CTNNA2: variants seen among roughly 807,000 people sequenced by gnomAD.
CTNNA2 encodes the protein catenin alpha 2.
Under a neutral mutation model 101.0 loss-of-function variants are expected in CTNNA2, and 42 were observed. That is an observed-to-expected ratio of 0.42 (90% CI 0.32 to 0.54). CTNNA2 has a LOEUF of 0.54. CTNNA2 is among the 20% of genes least tolerant of loss of function. The pLI is 0.14. For synonymous variants in CTNNA2, 450 were observed against 456.4 expected (o/e 0.99, Z 0.18); for missense variants, 871 against 1,223.1 (o/e 0.71, Z 4.29).
intron 7 of CTNNA2, among the ~76,000 whole-genome samples, chr2:80,213,175 C>A (rs1708017046): frequency 6.6e-6 from 1 of 152,066 alleles, no homozygotes; most frequent in South Asian, 2.1e-4. Flanking sequence ...CTACTGGATT[C>A]ATTGATTTTT....
At chr2:79,961,081 G>C (rs1689593778) in intron 7 of CTNNA2, among the ~76,000 whole-genome samples, 1 of 152,148 alleles carries the variant, frequency 6.6e-6, no homozygotes, top group Non-Finnish European at 1.5e-5. Flanking sequence ...TTTGATTTCT[G>C]AAATAAAAAG....
intron 5 of CTNNA2, among the ~76,000 whole-genome samples, chr2:79,506,484 C>T (rs1039317970): frequency 1.3e-5 from 2 of 152,072 alleles, no homozygotes; most frequent in African/African-American, 4.8e-5. Flanking sequence ...GTACCACCTG[C>T]CAACTCTATG....
intron 6 of CTNNA2, among the ~76,000 whole-genome samples, chr2:79,888,555 C>G (rs755968184): frequency 1.3e-5 from 2 of 152,278 alleles, no homozygotes; most frequent in Middle Eastern, 3.4e-3. Flanking sequence ...CTAAAGATCT[C>G]TAAAAATTGT....
At chr2:79,241,225 G>T (rs1257420666) in intron 2 of CTNNA2, among the ~76,000 whole-genome samples, 1 of 152,036 alleles carries the variant, frequency 6.6e-6, no homozygotes, top group Non-Finnish European at 1.5e-5. Context: ...ATAAACAAGT[G>T]CATTTTTTTC....
At chr2:79,353,030 A>C (rs10183790) in intron 3 of CTNNA2, among the ~76,000 whole-genome samples, 1 of 151,932 alleles carries the variant, frequency 6.6e-6, no homozygotes, top group East Asian at 1.9e-4. Context: ...AGCACTAGGG[A>C]GATGGTGCTG....
intron 8 of CTNNA2, among the ~76,000 whole-genome samples, chr2:80,412,735 G>A (rs1284757957): frequency 6.6e-6 from 1 of 151,956 alleles, no homozygotes; most frequent in Non-Finnish European, 1.5e-5. Flanking sequence ...TCTGGGTTCT[G>A]TTGCTCTTAA....
chr2:79,468,142 T>C lies in CTNNA2; in HGVS notation c.-134-36912T>C, dbSNP rs1670959304. On this transcript the variant is annotated intron_variant, in intron 4 of 21. Transcript: ENST00000466387. ...CTGTATTCAGGAGACCCATCTTACA[T>C]GCAGAGACACACATAGGCTCAAAAT... 2.0e-5 allele frequency among the ~76,000 whole-genome samples: 3 copies of C among 152,218 alleles called. No homozygotes were observed. The South Asian group carries it at 6.2e-4, about 32-fold the overall frequency.
At chr2:80,560,151 A>C (rs1693452323) in intron 12 of CTNNA2, among the ~76,000 whole-genome samples, 1 of 152,106 alleles carries the variant, frequency 6.6e-6, no homozygotes, top group Non-Finnish European at 1.5e-5. Flanking sequence ...TATTTTGGAA[A>C]ATACGTGGGC....
At chr2:80,599,889 G>T (rs1307283346) in intron 15 of CTNNA2, among the ~76,000 whole-genome samples, 1 of 150,396 alleles carries the variant, frequency 6.6e-6, no homozygotes, top group South Asian at 2.1e-4. Flanking sequence ...TCGTCATTTA[G>T]CATTAGGTAT....
At chr2:80,400,055 G>T (rs908667427) in intron 8 of CTNNA2, among the ~76,000 whole-genome samples, 2 of 152,148 alleles carry the variant, frequency 1.3e-5, no homozygotes, top group African/African-American at 4.8e-5. Context: ...AGAGTGTGTG[G>T]TGCATCTACC....
intron 4 of CTNNA2, among the ~76,000 whole-genome samples, chr2:79,483,261 C>CT (rs1273208342): frequency 4.7e-4 from 71 of 152,328 alleles, no homozygotes; most frequent in African/African-American, 1.6e-3. Flanking sequence ...ATCTACATTT[C>CT]ATTTGCCAAA....
At chr2:80,601,197 TTTC>T (rs1697474568) in intron 15 of CTNNA2, among the ~76,000 whole-genome samples, 2 of 152,096 alleles carry the variant, frequency 1.3e-5, no homozygotes, top group African/African-American at 4.8e-5. Flanking sequence ...CTTTGGGTTT[TTTC>T]TTCTTTTTGT....
chr2:80,578,470 G>T (rs925752830), intron 13 of CTNNA2, among the ~76,000 whole-genome samples: 1 of 152,066 alleles, frequency 6.6e-6, no homozygotes, highest in Non-Finnish European at 1.5e-5. Flanking sequence ...ATTCATGGAG[G>T]TCTTTGACCA....
intron 7 of CTNNA2, among the ~76,000 whole-genome samples, chr2:80,342,238 G>T (rs1672311625): frequency 6.6e-6 from 1 of 152,196 alleles, no homozygotes; most frequent in Non-Finnish European, 1.5e-5. Flanking sequence ...TGCTTTGAGT[G>T]AATTTTATGG....
chr2:79,258,215 C>A (rs1219648817), intron 2 of CTNNA2, among the ~76,000 whole-genome samples: 1 of 152,080 alleles, frequency 6.6e-6, no homozygotes, highest in Non-Finnish European at 1.5e-5. Context: ...AAATGCCAAG[C>A]AGAATTTTTT....
chr2:79,745,664 A>G (rs1671594920), intron 3 of CTNNA2, among the ~76,000 whole-genome samples: 1 of 152,160 alleles, frequency 6.6e-6, no homozygotes, highest in Non-Finnish European at 1.5e-5. Flanking sequence ...AATACCTCAT[A>G]TAAGTGGAAT....
chr2:79,764,765 T>A (rs1225811502), intron 3 of CTNNA2, among the ~76,000 whole-genome samples: 3 of 152,122 alleles, frequency 2.0e-5, no homozygotes, highest in Non-Finnish European at 4.4e-5. Flanking sequence ...TTGCCTTTTT[T>A]TAAAAGACTT....
intron 7 of CTNNA2, among the ~76,000 whole-genome samples, chr2:79,948,706 C>T (rs1363921684): frequency 2.0e-5 from 3 of 152,170 alleles, no homozygotes; most frequent in Admixed American, 1.3e-4. Context: ...CGGTGGCTCA[C>T]GCCTGTAATC....
At chr2:80,527,791 C>G (rs991172703) in intron 9 of CTNNA2, among the ~76,000 whole-genome samples, 8 of 152,110 alleles carry the variant, frequency 5.3e-5, no homozygotes, top group Non-Finnish European at 7.3e-5. Context: ...TGGAAATACT[C>G]TAACTGAATT....
Sources: gnomAD v4.1 joint callset for allele counts (sites outside exome capture counted in the v4.1 genomes callset) on GRCh38, gnomAD v4.1.1 for gene constraint, MANE v1.5 for transcripts, NCBI Gene and HGNC (gene_info 2026-07-23, HGNC 2026-07-21) for gene names.